Variants in PACRG observed in about 807,000 individuals in gnomAD.
PACRG encodes the protein parkin coregulated gene protein.
A neutral mutation model predicts 29.7 loss-of-function variants in PACRG; 29 were observed. The observed-to-expected ratio is 0.98, with a 90% CI of 0.73 to 1.33. The LOEUF is 1.33. PACRG is among the 40% of genes most tolerant of loss of function. The pLI is 0.00. For missense variants in PACRG, 279 were observed against 316.2 expected (o/e 0.88, Z 0.89); for synonymous variants, 116 against 118.7 (o/e 0.98, Z 0.15).
chr6:163,279,497 T>A (rs78569144), intron 4 of PACRG, among the ~76,000 whole-genome samples: 1,693 of 152,278 alleles, frequency 0.011, 33 homozygotes, highest in African/African-American at 0.039. Context: ...GCTCCTGTCA[T>A]TTTGATTTCC....
chr6:163,216,971 C>A (rs1781387920), intron 4 of PACRG, among the ~76,000 whole-genome samples: 1 of 152,210 alleles, frequency 6.6e-6, no homozygotes, highest in Admixed American at 6.5e-5. Flanking sequence ...CTTGCTGTAT[C>A]TACAGAATTA....
At chr6:163,020,580 G>C (rs1806515473) in intron 2 of PACRG, among the ~76,000 whole-genome samples, 1 of 152,182 alleles carries the variant, frequency 6.6e-6, no homozygotes, top group South Asian at 2.1e-4. Context: ...GGCTGCCTGA[G>C]TCCAGCAGCA....
At chr6:162,893,039 G>A (rs7743651) in intron 2 of PACRG, among the ~76,000 whole-genome samples, 4 of 136,674 alleles carry the variant, frequency 2.9e-5, no homozygotes, top group Admixed American at 1.5e-4. Context: ...GGAGAACCAC[G>A]TCAGCCTCAG....
At chr6:162,979,567 A>G (rs1802237709) in intron 2 of PACRG, among the ~76,000 whole-genome samples, 1 of 152,038 alleles carries the variant, frequency 6.6e-6, no homozygotes. Flanking sequence ...TGTTGTGTGT[A>G]TCTTGGAGAT....
intron 1 of PACRG, among the ~76,000 whole-genome samples, chr6:162,795,562 C>T (rs187216636): frequency 2.1e-3 from 322 of 152,090 alleles, no homozygotes; most frequent in Admixed American, 3.9e-3. Flanking sequence ...TGGAGATTTC[C>T]TGACTAATTT....
At chr6:163,063,926 G>A (rs1811307621) in intron 3 of PACRG, among the ~76,000 whole-genome samples, 1 of 152,116 alleles carries the variant, frequency 6.6e-6, no homozygotes, top group Non-Finnish European at 1.5e-5. Context: ...TCTCAGATGG[G>A]TCACATTTTT....
At chr6:162,921,697 A>G (rs1000954935) in intron 2 of PACRG, among the ~76,000 whole-genome samples, 10 of 152,316 alleles carry the variant, frequency 6.6e-5, no homozygotes, top group African/African-American at 2.4e-4. Context: ...CTTATTGGAT[A>G]CAGAGTTATA....
intron 2 of PACRG, among the ~76,000 whole-genome samples, chr6:162,824,481 T>C (rs1788109078): frequency 6.6e-6 from 1 of 152,230 alleles, no homozygotes; most frequent in Non-Finnish European, 1.5e-5. Context: ...ATTTTCTGCC[T>C]GCACATTTGT....
chr6:162,880,836 G>T (rs80252494), intron 2 of PACRG, among the ~76,000 whole-genome samples: 1 of 152,174 alleles, frequency 6.6e-6, no homozygotes, highest in Admixed American at 6.5e-5. Context: ...GTGGCTGCAC[G>T]TGGGCAAGGC....
intron 4 of PACRG, among the ~76,000 whole-genome samples, chr6:163,219,291 C>G (rs891211727): frequency 6.6e-6 from 1 of 152,174 alleles, no homozygotes; most frequent in African/African-American, 2.4e-5. Flanking sequence ...TTATTCTTCT[C>G]TAATCCTTAT....
chr6:163,171,407 C>T (rs1362224782), intron 4 of PACRG, among the ~76,000 whole-genome samples: 1 of 152,184 alleles, frequency 6.6e-6, no homozygotes, highest in South Asian at 2.1e-4. Context: ...TGCTTTTGCT[C>T]ACTTATTGTA....
chr6:163,165,705 A>AGG, intron 4 of PACRG: 1 of 220,490 alleles, frequency 4.5e-6, no homozygotes, highest in Non-Finnish European at 9.2e-6. Context: ...TCAAGCCTTC[A>AGG]AGTCGGTTCA....
chr6:163,086,948 C>T (rs1813616353), intron 3 of PACRG, among the ~76,000 whole-genome samples: 1 of 152,200 alleles, frequency 6.6e-6, no homozygotes, highest in Non-Finnish European at 1.5e-5. Flanking sequence ...GGTATAAAAA[C>T]ACTTCTGAGC....
chr6:162,983,482 C>T (rs1802605911), intron 2 of PACRG, among the ~76,000 whole-genome samples: 1 of 151,792 alleles, frequency 6.6e-6, no homozygotes, highest in Admixed American at 6.6e-5. Context: ...CTCCTTTTAC[C>T]ATTTCTTATA....
At position 162,878,504 on chromosome 6, in the gene PACRG, G is replaced by A. The variant is rs182436005; in HGVS notation, c.291+64223G>A. 3.2e-4 allele frequency among the ~76,000 whole-genome samples: 48 copies of A among 152,222 alleles called. 1 individual carries two copies. Among genetic ancestry groups the A allele is most frequent in the Admixed American group, 2.7e-3 (42 of 15,296 alleles). ...AATAGACTGAATCTTTTTCTCATCTGTGCCTGCCTATCTCTGTGTATAATG... is the reference window on the plus strand; with the variant it reads ...AATAGACTGAATCTTTTTCTCATCTATGCCTGCCTATCTCTGTGTATAATG... On this transcript the variant is annotated intron_variant, in intron 2 of 4. Coordinates refer to ENST00000366888, the MANE Select transcript of PACRG (RefSeq NM_001080379.2).
chr6:163,061,703 C>T (rs562281853), intron 2 of PACRG, among the ~76,000 whole-genome samples: 1 of 152,314 alleles, frequency 6.6e-6, no homozygotes, highest in South Asian at 2.1e-4. Flanking sequence ...CTCCCAGGAA[C>T]GTATGAACAT....
At chr6:162,823,285 G>T (rs1400956830) in intron 2 of PACRG, among the ~76,000 whole-genome samples, 1 of 151,830 alleles carries the variant, frequency 6.6e-6, no homozygotes, top group Non-Finnish European at 1.5e-5. Context: ...TCTTCCATTA[G>T]TACAGTAAGC....
In PACRG at chr6:162,804,328, C is replaced by T. The variant is rs186958721; in HGVS notation, c.157-9819C>T. On this transcript the variant is annotated intron_variant, in intron 1 of 4. Transcript: ENST00000366888. ...CTCCTCATCCAATCGGTCAGGTGCC[C>T]CGAATAATCCTTTAGATTTTTGCTT... 7.9e-5 allele frequency among the ~76,000 whole-genome samples: 12 copies of T among 152,224 alleles called. No homozygotes were observed. In the East Asian group the frequency reaches 1.2e-3, roughly 15 times the overall value.
intron 4 of PACRG, among the ~76,000 whole-genome samples, chr6:163,248,567 T>C (rs1782782302): frequency 6.6e-6 from 1 of 152,232 alleles, no homozygotes; most frequent in Admixed American, 6.5e-5. Flanking sequence ...AGTTGTCTGA[T>C]GGTTTCTCTG....
Sources: allele counts gnomAD v4.1 joint callset (sites outside exome capture counted in the v4.1 genomes callset), GRCh38; gene constraint gnomAD v4.1.1; transcripts MANE v1.5; gene names NCBI Gene and HGNC (gene_info 2026-07-23, HGNC 2026-07-21).